Variants in DLG2 observed in about 807,000 individuals in gnomAD.
The protein encoded by DLG2 is discs large MAGUK scaffold protein 2.
Under a neutral mutation model 132.5 loss-of-function variants are expected in DLG2, and 45 were observed. That is an observed-to-expected ratio of 0.34 (90% CI 0.27 to 0.44). The LOEUF (loss-of-function observed/expected upper bound fraction) is 0.44, where lower values mean the gene tolerates loss of function less well. Ranked by LOEUF, DLG2 falls within the 20% of genes least tolerant of loss-of-function variation. DLG2 has a pLI of 1.00. For missense variants in DLG2, 1,045 were observed against 1,196.9 expected (o/e 0.87, Z 1.87); for synonymous variants, 424 against 419.6 (o/e 1.01, Z -0.13).
chr11:83,637,340 T>C (rs1351335558), intron 18 of DLG2, among the ~76,000 whole-genome samples: 1 of 152,188 alleles, frequency 6.6e-6, no homozygotes, highest in African/African-American at 2.4e-5. Context: ...TTGAATGAAA[T>C]TTTCAAATGC....
intron 17 of DLG2, among the ~76,000 whole-genome samples, chr11:83,799,953 CCACATCACAGAGT>C (rs1316901592): frequency 1.3e-5 from 2 of 152,050 alleles, no homozygotes; most frequent in Non-Finnish European, 2.9e-5. Context: ...AATAAGAGTA[CCACATCACAGAGT>C]TGCTGTAAGG....
chr11:85,528,003 T>G (rs949249139), intron 3 of DLG2, among the ~76,000 whole-genome samples: 1 of 152,354 alleles, frequency 6.6e-6, no homozygotes, highest in South Asian at 2.1e-4. Flanking sequence ...TGTCTGTTCA[T>G]ATCCTTTGCC....
At chr11:83,534,218 G>T (rs1036637080) in intron 20 of DLG2, among the ~76,000 whole-genome samples, 2 of 152,144 alleles carry the variant, frequency 1.3e-5, no homozygotes, top group African/African-American at 4.8e-5. Flanking sequence ...CATTTGCACT[G>T]CATATACAGG....
chr11:83,976,758 C>A (rs796961561), intron 12 of DLG2, among the ~76,000 whole-genome samples: 1 of 151,870 alleles, frequency 6.6e-6, no homozygotes, highest in South Asian at 2.1e-4. Flanking sequence ...AAAAACTATG[C>A]TTTAAAACTC....
At chr11:85,174,853 C>G (rs958154004) in intron 4 of DLG2, among the ~76,000 whole-genome samples, 1 of 152,098 alleles carries the variant, frequency 6.6e-6, no homozygotes, top group African/African-American at 2.4e-5. Context: ...TGCACATCAA[C>G]TAGAAAATCT....
At chr11:83,805,926 T>C (rs1384038789) in intron 17 of DLG2, among the ~76,000 whole-genome samples, 1 of 152,150 alleles carries the variant, frequency 6.6e-6, no homozygotes, top group Non-Finnish European at 1.5e-5. Flanking sequence ...AGTGTATTTG[T>C]AGTAGAGTCC....
intron 7 of DLG2, among the ~76,000 whole-genome samples, chr11:84,328,085 G>A (rs2154399922): frequency 6.6e-6 from 1 of 152,302 alleles, no homozygotes. Context: ...GCCAAAAGCA[G>A]AAAAGGTAGT....
chr11:84,370,865 T>A (rs72959593), intron 7 of DLG2, among the ~76,000 whole-genome samples: 19 of 152,266 alleles, frequency 1.2e-4, no homozygotes, highest in Non-Finnish European at 2.5e-4. Flanking sequence ...AGTTAGCACA[T>A]ACTAATAAAG....
intron 18 of DLG2, among the ~76,000 whole-genome samples, chr11:83,730,418 CT>C (rs1388475241): frequency 6.6e-6 from 1 of 151,994 alleles, no homozygotes; most frequent in African/African-American, 2.4e-5. Flanking sequence ...CGGAATATGC[CT>C]CCCCAAAATA....
At chr11:85,557,206 C>A (rs1007633236) in intron 3 of DLG2, among the ~76,000 whole-genome samples, 1 of 151,668 alleles carries the variant, frequency 6.6e-6, no homozygotes, top group Non-Finnish European at 1.5e-5. Flanking sequence ...TTTACAATAA[C>A]CACACTACAC....
intron 18 of DLG2, among the ~76,000 whole-genome samples, chr11:83,780,057 TC>T (rs1195662920): frequency 6.6e-6 from 1 of 152,212 alleles, no homozygotes; most frequent in East Asian, 1.9e-4. Context: ...TAAAAATCTT[TC>T]CTGGGTATTT....
intron 10 of DLG2, among the ~76,000 whole-genome samples, chr11:84,073,704 T>C (rs907696242): frequency 6.6e-6 from 1 of 152,224 alleles, no homozygotes; most frequent in Admixed American, 6.5e-5. Flanking sequence ...ATTCTCATGA[T>C]TATTTTAATT....
intron 6 of DLG2, among the ~76,000 whole-genome samples, chr11:85,104,358 C>A (rs905541707): frequency 6.6e-6 from 1 of 151,808 alleles, no homozygotes; most frequent in Non-Finnish European, 1.5e-5. Context: ...TATACTCATA[C>A]AATGAAATAT....
intron 14 of DLG2, among the ~76,000 whole-genome samples, chr11:83,934,517 G>A (rs1158078767): frequency 6.6e-5 from 10 of 151,056 alleles, no homozygotes; most frequent in Admixed American, 6.6e-4. Flanking sequence ...CTGTATCAGA[G>A]ATAATGTTTA....
intron 6 of DLG2, among the ~76,000 whole-genome samples, chr11:84,864,285 C>A (rs1379832822): frequency 1.3e-5 from 2 of 152,126 alleles, no homozygotes. Context: ...TTCTCAGATA[C>A]TTGCAAAGAA....
At chr11:85,501,544 AT>A (rs1235696207) in intron 3 of DLG2, among the ~76,000 whole-genome samples, 1 of 152,246 alleles carries the variant, frequency 6.6e-6, no homozygotes, top group Non-Finnish European at 1.5e-5. Context: ...AATACCCAGA[AT>A]CTACAAAGAA....
intron 19 of DLG2, among the ~76,000 whole-genome samples, chr11:83,558,475 A>G (rs533759730): frequency 6.6e-6 from 1 of 152,282 alleles, no homozygotes; most frequent in East Asian, 1.9e-4. Context: ...TGAGGAAGGA[A>G]ACTAACTGTT....
chr11:83,787,462 C>T (rs2040327708), intron 17 of DLG2, among the ~76,000 whole-genome samples: 1 of 151,700 alleles, frequency 6.6e-6, no homozygotes, highest in African/African-American at 2.4e-5. Context: ...GCTGGGATTA[C>T]AGGTGCCCGC....
intron 7 of DLG2, among the ~76,000 whole-genome samples, chr11:84,396,620 G>A (rs1028376629): frequency 6.6e-6 from 1 of 152,198 alleles, no homozygotes; most frequent in East Asian, 1.9e-4. Flanking sequence ...ACAGAAATTA[G>A]GGACAGAAAA....
Sources: allele counts gnomAD v4.1 joint callset (sites outside exome capture counted in the v4.1 genomes callset), GRCh38; gene constraint gnomAD v4.1.1; transcripts MANE v1.5; gene names NCBI Gene and HGNC (gene_info 2026-07-23, HGNC 2026-07-21).